Variants in SLC23A1 observed in about 807,000 individuals in gnomAD.
SLC23A1 encodes the protein solute carrier family 23 member 1.
Under a neutral mutation model 62.5 loss-of-function variants are expected in SLC23A1, and 31 were observed. The ratio of observed to expected loss-of-function variants is 0.50; its 90% confidence interval spans 0.37 to 0.67. The LOEUF (loss-of-function observed/expected upper bound fraction) is 0.67, where lower values mean the gene tolerates loss of function less well. Ranked by LOEUF, SLC23A1 falls within the 30% of genes least tolerant of loss-of-function variation. SLC23A1 has a pLI of 0.00. For missense variants in SLC23A1, 640 were observed against 782.7 expected, an observed-to-expected ratio of 0.82 and a Z score of 2.18; for synonymous variants, 271 against 313.2, an observed-to-expected ratio of 0.87 and a Z score of 1.42.
intron 13 of SLC23A1, among the ~76,000 whole-genome samples, chr5:139,374,443 AAAAC>A (rs776774731): frequency 9.3e-4 from 142 of 152,336 alleles, no homozygotes; most frequent in Middle Eastern, 6.8e-3. Flanking sequence ...TCTCAAAAAC[AAAAC>A]AAACAAACAA....
chr5:139,367,970 G>A (rs1481809826), intron 14 of SLC23A1, among the ~76,000 whole-genome samples: 10 of 152,036 alleles, frequency 6.6e-5, no homozygotes, highest in East Asian at 3.9e-4. Context: ...TTAGGAGGCC[G>A]AGGCAGGCAG....
rs1223859399 is a variant in SLC23A1 at position 139,379,302 on chromosome 5, G to A, written c.978C>T (p.Ser326=). The A allele has an allele frequency of 1.2e-6, 2 of 1,614,014 alleles. No individual in the cohort carries two copies. The highest frequency in any genetic ancestry group is 1.3e-5 in the African/African-American group (1 of 74,922). ...ACTCAATGATGCCTGCCAGAGTGGC[G>A]CTGAACATTCCCAGGACAGCAGCCG... The part of the protein sequence containing the change: ...VTAAAVLGMF[S]ATLAGIIESI... The change falls in exon 9 of 15, where the codon AGC becomes AGT. Residue 326 remains serine (S), a synonymous_variant. Transcript: ENST00000348729. The surrounding 1 kb of genome is among the most constrained non-coding windows in gnomAD (Gnocchi z 4.7).
At chr5:139,385,295 C>G (rs1758472249), upstream of SLC23A1, among the ~76,000 whole-genome samples, 1 of 152,220 alleles carries the variant, frequency 6.6e-6, no homozygotes, top group African/African-American at 2.4e-5. Context: ...TCTCCAGTTC[C>G]CAGACCTAGG....
chr5:139,382,919 A>C (rs1443030510), intron 1 of SLC23A1, among the ~76,000 whole-genome samples: 1 of 152,214 alleles, frequency 6.6e-6, no homozygotes, highest in Non-Finnish European at 1.5e-5. Flanking sequence ...AAGAGGGCTC[A>C]AGACTGTGGA....
At position 139,379,843 on chromosome 5, in the gene SLC23A1, G is replaced by A. The variant is rs758264731; in HGVS notation, c.769-9C>T. ...ATGATGGCCAGCATGATCTGAAGGA[G>A]GGGGGTGAGGGGGCACTGAAGGCAC... On this transcript the variant is annotated splice_polypyrimidine_tract_variant and intron_variant, in intron 7 of 14. Transcript: ENST00000348729. The surrounding 1 kb of genome is among the most constrained non-coding windows in gnomAD (Gnocchi z 4.7). The A allele has an allele frequency of 6.2e-7, 1 of 1,614,010 alleles. No homozygotes were observed. Among genetic ancestry groups the A allele is most frequent in the Admixed American group, 1.7e-5 (1 of 60,014 alleles).
At chr5:139,381,664 A>G (rs1008348256) in intron 3 of SLC23A1, among the ~76,000 whole-genome samples, 1 of 151,604 alleles carries the variant, frequency 6.6e-6, no homozygotes, top group African/African-American at 2.4e-5. Context: ...CGAGGGTACA[A>G]TCCCTTAAAC....
intron 5 of SLC23A1, 65 bp downstream of exon 5, chr5:139,380,500 C>T (rs758578604): frequency 6.3e-7 from 1 of 1,592,270 alleles, no homozygotes; most frequent in East Asian, 2.2e-5. Context: ...ACTCAGCGGC[C>T]ACCCTCACTC....
rs867651609 is a variant in SLC23A1, at chr5:139,380,517, A to G, written c.465+48T>C. Reference sequence around the variant, plus strand: ...TCAGCGGCCACCCTCACTCCCATATAGCCCCTCCTCAGGACCCGGCCTCTT... The same window carrying G: ...TCAGCGGCCACCCTCACTCCCATATGGCCCCTCCTCAGGACCCGGCCTCTT... On this transcript the variant is annotated intron_variant, in intron 5 of 14. Transcript: ENST00000348729. 5.6e-6 allele frequency: 9 copies of G among 1,599,274 alleles called. No homozygotes were observed. The Middle Eastern group carries it at 1.3e-3, about 235-fold the overall frequency.
At chr5:139,370,382 G>C (rs1757579389) in intron 14 of SLC23A1, among the ~76,000 whole-genome samples, 1 of 152,154 alleles carries the variant, frequency 6.6e-6, no homozygotes, top group African/African-American at 2.4e-5. Flanking sequence ...TGTTAGCCGG[G>C]CTGGTCTTGA....
chr5:139,379,641 C>T lies in SLC23A1; in HGVS notation c.925+37G>A. 1 of 1,571,636 alleles carries T rather than the reference C, an allele frequency of 6.4e-7. No individual in the cohort carries two copies. Among genetic ancestry groups the T allele is most frequent in the Non-Finnish European group, 8.7e-7 (1 of 1,153,218 alleles). On this transcript the variant is annotated intron_variant, in intron 8 of 14. Coordinates refer to ENST00000348729, the MANE Select transcript of SLC23A1 (RefSeq NM_005847.5). The surrounding 1 kb of genome is among the most constrained non-coding windows in gnomAD (Gnocchi z 4.7). ...CAGGAGTCTGTCTCATAGGTGGTCT[C>T]AGTTGGGGGCAGAGGGGCCCAAGGG...
chr5:139,379,901 C>T lies in SLC23A1; in HGVS notation c.768+55G>A, dbSNP rs1197252465. On this transcript the variant is annotated intron_variant, in intron 7 of 14. Transcript: ENST00000348729. This position sits in a 1 kb window ranked among gnomAD's most constrained non-coding sequence, Gnocchi z 4.7. The stretch of plus-strand genomic sequence containing the variant: ...CTCTGTCCAGGCTAACCTGCTCCCA[C>T]CTCAGCCCAAGCCCTGGCCATAGTC... 1 of 1,613,846 alleles carries T rather than the reference C, an allele frequency of 6.2e-7. No homozygotes were observed. Among genetic ancestry groups the T allele is most frequent in the Non-Finnish European group, 8.5e-7 (1 of 1,179,862 alleles).
upstream of SLC23A1, among the ~76,000 whole-genome samples, chr5:139,384,108 T>C (rs1758415706): frequency 6.6e-6 from 1 of 152,240 alleles, no homozygotes; most frequent in African/African-American, 2.4e-5. Flanking sequence ...AGATGGAGCG[T>C]GGGGCCTTTC....
At chr5:139,374,210 T>C (rs1757830802) in intron 13 of SLC23A1, among the ~76,000 whole-genome samples, 1 of 152,250 alleles carries the variant, frequency 6.6e-6, no homozygotes, top group Non-Finnish European at 1.5e-5. Context: ...TCTAGCAGCA[T>C]GTGCTGAACT....
At position 139,380,594 on chromosome 5, in the gene SLC23A1, AG is replaced by A; in HGVS notation, c.435del (p.Ser146LeufsTer24). 6.2e-7 allele frequency: 1 copy of A among 1,613,948 alleles called. No homozygotes were observed. The highest frequency in any genetic ancestry group is 8.5e-7 in the Non-Finnish European group (1 of 1,179,938). On this transcript the variant is annotated frameshift_variant, in exon 5 of 15. Coordinates refer to ENST00000348729, the MANE Select transcript of SLC23A1 (RefSeq NM_005847.5). LOFTEE classifies it high-confidence loss of function. ...CGTATCCGTGGGTGCCAAATATGAG[AG>A]GTGTTCAGGGGCAGACTCCAGTTAC... ...IYGNWSLPLN[T>X]SHIWHPRIRE...
At chr5:139,385,264 T>C (rs1238250689), upstream of SLC23A1, among the ~76,000 whole-genome samples, 1 of 152,246 alleles carries the variant, frequency 6.6e-6, no homozygotes, top group East Asian at 1.9e-4. Context: ...CAAACGAAAC[T>C]GAAAGTTCTG....
intron 13 of SLC23A1, among the ~76,000 whole-genome samples, chr5:139,374,970 A>C (rs1757875309): frequency 1.3e-5 from 2 of 152,192 alleles, no homozygotes; most frequent in Non-Finnish European, 2.9e-5. Context: ...CCACCCATCC[A>C]TCGAAGGGAC....
chr5:139,377,296 C>T (rs752581449), intron 13 of SLC23A1, 106 bp downstream of exon 13: 18 of 711,654 alleles, frequency 2.5e-5, no homozygotes, highest in Non-Finnish European at 4.1e-5. Flanking sequence ...CCCTGCAGGG[C>T]CTGCATTGCA....
In SLC23A1 at chr5:139,380,881, G is replaced by A. The variant is rs1185852140; in HGVS notation, c.314C>T (p.Pro105Leu). Residue 105 changes from proline (P) to leucine (L), a missense_variant, in exon 4 of 15, where the codon CCG (proline) becomes CTG (leucine). Pro to Leu is a moderately conservative substitution (Grantham distance 98). Coordinates refer to ENST00000348729, the MANE Select transcript of SLC23A1 (RefSeq NM_005847.5). The part of the protein sequence containing the change: ...LIQTTVGIRL[P>L]LFQASAFAFL... Reference sequence around the variant, plus strand: ...TGCAAAGGCACTGGCCTGGAACAGCGGCAGCCTGGAGGAGAGGCACAAAGC... The same window carrying A: ...TGCAAAGGCACTGGCCTGGAACAGCAGCAGCCTGGAGGAGAGGCACAAAGC... 4 of 1,523,112 alleles carry A rather than the reference G, an allele frequency of 2.6e-6. No individual in the cohort carries two copies. Among genetic ancestry groups the A allele is most frequent in the African/African-American group, 1.4e-5 (1 of 72,590 alleles). 94.3% of individuals were successfully genotyped at this position (1,523,112 alleles called of 1,614,324 possible). A position where few individuals can be genotyped will look rare whatever the true frequency, so the allele number is the denominator to read the frequency against.
At chr5:139,384,842 G>T, upstream of SLC23A1, 1 of 752,038 alleles carries the variant, frequency 1.3e-6, no homozygotes, top group Non-Finnish European at 1.6e-6. Context: ...TGAAAGCTTA[G>T]TGGGTTTCTT....
Sources: allele counts gnomAD v4.1 joint callset (sites outside exome capture counted in the v4.1 genomes callset), GRCh38; gene constraint gnomAD v4.1.1; non-coding constraint Gnocchi (gnomAD v3.1); transcripts MANE v1.5; gene names NCBI Gene and HGNC (gene_info 2026-07-23, HGNC 2026-07-21).